The following SYTL3 variants were observed in gnomAD, a reference collection of about 807,000 sequenced individuals.
SYTL3 encodes synaptotagmin like 3, also known as synaptotagmin-like protein 3.
In SYTL3, 88 loss-of-function variants were observed where a neutral mutation model predicts 82.1. The observed-to-expected ratio is 1.07, with a 90% CI of 0.90 to 1.28. The LOEUF is 1.28. Ranked by LOEUF, SYTL3 falls within the 50% of genes most tolerant of loss-of-function variation. The pLI, the probability that SYTL3 is intolerant of heterozygous loss-of-function variation, is 0.00. For missense variants in SYTL3, 831 were observed against 757.6 expected, an observed-to-expected ratio of 1.10 and a Z score of -1.14; for synonymous variants, 311 against 289.4, an observed-to-expected ratio of 1.07 and a Z score of -0.76.
intron 2 of SYTL3, among the ~76,000 whole-genome samples, chr6:158,653,883 G>A (rs1299858168): frequency 6.6e-6 from 1 of 152,212 alleles, no homozygotes; most frequent in Non-Finnish European, 1.5e-5. Context: ...TTGATCTGAT[G>A]ACTGACTGCT....
intron 13 of SYTL3, among the ~76,000 whole-genome samples, chr6:158,753,419 A>C (rs3127226): frequency 0.57 from 86,838 of 151,690 alleles, 26,063 homozygotes; most frequent in African/African-American, 0.7. Flanking sequence ...TGTACTTAGA[A>C]CTGGGGATTT....
chr6:158,708,907 G>A (rs961459259), intron 8 of SYTL3, among the ~76,000 whole-genome samples: 4 of 152,138 alleles, frequency 2.6e-5, no homozygotes, highest in Non-Finnish European at 2.9e-5. Context: ...TTATGATGAG[G>A]TTATGTCCCA....
intron 9 of SYTL3, among the ~76,000 whole-genome samples, chr6:158,717,764 C>T (rs890748052): frequency 3.9e-5 from 6 of 152,150 alleles, no homozygotes; most frequent in African/African-American, 1.2e-4. Context: ...TGAGTGCACA[C>T]ACATATGTGT....
chr6:158,680,045 G>A (rs924394085), intron 5 of SYTL3, among the ~76,000 whole-genome samples: 5 of 152,200 alleles, frequency 3.3e-5, no homozygotes, highest in Non-Finnish European at 5.9e-5. Flanking sequence ...TGCAAGTAAG[G>A]TGCGTTTATC....
chr6:158,677,006 C>G (rs1446633937), intron 5 of SYTL3, among the ~76,000 whole-genome samples: 1 of 152,148 alleles, frequency 6.6e-6, no homozygotes, highest in Non-Finnish European at 1.5e-5. Context: ...GGCGATTCCT[C>G]AAGGATCTAG....
At chr6:158,749,501 TTCTC>T (rs1253102589) in intron 12 of SYTL3, among the ~76,000 whole-genome samples, 3 of 126,438 alleles carry the variant, frequency 2.4e-5, no homozygotes, top group African/African-American at 3.1e-5. Flanking sequence ...CTTCTTTTCT[TTCTC>T]TCTTTTTTTT....
At chr6:158,649,360 T>C (rs1183175841), upstream of SYTL3, among the ~76,000 whole-genome samples, 1 of 152,238 alleles carries the variant, frequency 6.6e-6, no homozygotes, top group Non-Finnish European at 1.5e-5. Flanking sequence ...ACGAGGTTGC[T>C]GGAGCAGCCT....
chr6:158,752,055 T>C, intron 13 of SYTL3, 25 bp downstream of exon 13: 1 of 1,539,054 alleles, frequency 6.5e-7, no homozygotes, highest in Non-Finnish European at 8.7e-7. Flanking sequence ...GATATTCCTG[T>C]GCAGAGTCCT....
chr6:158,755,322 GAC>G (rs1164407722), intron 13 of SYTL3, among the ~76,000 whole-genome samples: 1 of 152,190 alleles, frequency 6.6e-6, no homozygotes, highest in Non-Finnish European at 1.5e-5. Flanking sequence ...CAGTCTAGGT[GAC>G]AGAGTGAGAT....
chr6:158,686,643 GTTGAA>G (rs1262456652), intron 6 of SYTL3, among the ~76,000 whole-genome samples: 2 of 152,302 alleles, frequency 1.3e-5, no homozygotes, highest in Non-Finnish European at 2.9e-5. Context: ...TCATTGAGGA[GTTGAA>G]TTGAATTTGT....
the SYTL3 span, among the ~76,000 whole-genome samples, chr6:158,644,943 A>T: frequency 6.6e-6 from 1 of 152,194 alleles, no homozygotes; most frequent in African/African-American, 2.4e-5. Flanking sequence ...GGTAGTTTCC[A>T]TGGGAATCCG....
chr6:158,711,518 G>A (rs1446549746), intron 8 of SYTL3, among the ~76,000 whole-genome samples: 2 of 152,186 alleles, frequency 1.3e-5, no homozygotes, highest in African/African-American at 4.8e-5. Context: ...AGGTGTCGGC[G>A]CCAGGAAAGC....
At chr6:158,724,902 C>A (rs1784521779) in intron 10 of SYTL3, among the ~76,000 whole-genome samples, 1 of 152,142 alleles carries the variant, frequency 6.6e-6, no homozygotes, top group South Asian at 2.1e-4. Flanking sequence ...GTGGTCCCAG[C>A]CACTTGGGAG....
intron 6 of SYTL3, among the ~76,000 whole-genome samples, chr6:158,689,499 A>G (rs1167031362): frequency 1.3e-5 from 2 of 152,136 alleles, no homozygotes; most frequent in Non-Finnish European, 2.9e-5. Flanking sequence ...CCTTCTTTAT[A>G]ATTTTGTTTT....
At chr6:158,702,116 A>T (rs1318325531) in intron 6 of SYTL3, among the ~76,000 whole-genome samples, 1 of 151,662 alleles carries the variant, frequency 6.6e-6, no homozygotes, top group Non-Finnish European at 1.5e-5. Flanking sequence ...GGATGGGAGG[A>T]TCACTGCAGG....
chr6:158,759,556 G>A (rs1375989407), intron 14 of SYTL3, among the ~76,000 whole-genome samples: 4 of 152,140 alleles, frequency 2.6e-5, no homozygotes, highest in Admixed American at 6.5e-5. Flanking sequence ...ATTTTGAGAC[G>A]GAGTTTTGCT....
At chr6:158,668,284 C>T (rs1790333688) in intron 5 of SYTL3, among the ~76,000 whole-genome samples, 1 of 152,078 alleles carries the variant, frequency 6.6e-6, no homozygotes, top group Admixed American at 6.6e-5. Context: ...GGCTGGAGTG[C>T]AGTGGTGTGA....
At chr6:158,706,992 A>G (rs529966120) in intron 6 of SYTL3, among the ~76,000 whole-genome samples, 117 of 152,362 alleles carry the variant, frequency 7.7e-4, no homozygotes, top group Non-Finnish European at 1.1e-3. Context: ...TACAATTTCC[A>G]TAACATAAAA....
At chr6:158,703,153 T>TAAAAAAAAA (rs71297001) in intron 6 of SYTL3, among the ~76,000 whole-genome samples, 7 of 94,888 alleles carry the variant, frequency 7.4e-5, no homozygotes, top group African/African-American at 1.6e-4. Context: ...GACTCTGTCT[T>TAAAAAAAAA]AAAAAAAAAA....
Sources: allele counts gnomAD v4.1 joint callset (sites outside exome capture counted in the v4.1 genomes callset), GRCh38; gene constraint gnomAD v4.1.1; transcripts MANE v1.5; gene names NCBI Gene and HGNC (gene_info 2026-07-23, HGNC 2026-07-21).